ELAPOR1: variants seen among roughly 807,000 people sequenced by gnomAD.
ELAPOR1 encodes the protein endosome/lysosome-associated apoptosis and autophagy regulator 1.
A neutral mutation model predicts 119.7 loss-of-function variants in ELAPOR1; 77 were observed. That is an observed-to-expected ratio of 0.64 (90% CI 0.54 to 0.78). The LOEUF is 0.78. Ranked by LOEUF, ELAPOR1 falls within the 30% of genes least tolerant of loss-of-function variation. The probability of loss-of-function intolerance (pLI) is 0.00; values close to 1 mark genes in which losing one functional copy is unlikely to be tolerated. For synonymous variants in ELAPOR1, 481 were observed against 487.2 expected (o/e 0.99, Z 0.17); for missense variants, 1,115 against 1,270.4 (o/e 0.88, Z 1.86).
chr1:109,139,503 G>A (rs1272864943), intron 1 of ELAPOR1, among the ~76,000 whole-genome samples: 1 of 152,134 alleles, frequency 6.6e-6, no homozygotes, highest in Non-Finnish European at 1.5e-5. Context: ...AGACAGGAGA[G>A]TGCTCACTGG....
chr1:109,173,852 G>A lies in ELAPOR1; in HGVS notation c.952+15G>A. 4 of 1,613,048 alleles carry A rather than the reference G, an allele frequency of 2.5e-6. No homozygotes were observed. Among genetic ancestry groups the A allele is most frequent in the South Asian group, 1.1e-5 (1 of 90,982 alleles). On this transcript the variant is annotated intron_variant, in intron 7 of 21. Transcript: ENST00000369939. ...CAAATACTCAGGTGATGTTTCTGAGGGTGGGAAGAGTTTGGGGATAGAGAG... is the reference window on the plus strand; with the variant it reads ...CAAATACTCAGGTGATGTTTCTGAGAGTGGGAAGAGTTTGGGGATAGAGAG...
At chr1:109,187,244 G>A in intron 8 of ELAPOR1, 1 of 985,428 alleles carries the variant, frequency 1.0e-6, no homozygotes, top group Non-Finnish European at 1.2e-6. Context: ...CAGTTTGCCA[G>A]CTCCTAGGAC....
intron 4 of ELAPOR1, 82 bp downstream of exon 4, chr1:109,172,095 G>A: frequency 6.7e-7 from 1 of 1,491,974 alleles, no homozygotes; most frequent in East Asian, 2.3e-5. Context: ...CATCATGAGT[G>A]TAGCCCTGCT....
At chr1:109,183,441 C>A (rs913904415) in intron 7 of ELAPOR1, among the ~76,000 whole-genome samples, 1 of 151,924 alleles carries the variant, frequency 6.6e-6, no homozygotes, top group African/African-American at 2.4e-5. Flanking sequence ...AGAAGTAGTT[C>A]TCACTATCCA....
In ELAPOR1 at chr1:109,188,075, C is replaced by T. The variant is rs1557694140; in HGVS notation, c.1042-102C>T. 4.6e-5 allele frequency: 68 copies of T among 1,480,550 alleles called. 2 individuals are homozygous for T. The South Asian group carries it at 9.1e-4, about 20-fold the overall frequency. The allele number at this position is 1,480,550 out of a possible 1,614,324, so 91.7% of individuals were successfully genotyped here. On this transcript the variant is annotated intron_variant, in intron 8 of 21. Transcript: ENST00000369939. ...CACCCCAGAGGAGCTCTTACCTGGCCCAGAATCTGGATCTCTGCCCCCAGC... is the reference window on the plus strand; with the variant it reads ...CACCCCAGAGGAGCTCTTACCTGGCTCAGAATCTGGATCTCTGCCCCCAGC...
chr1:109,174,936 C>T (rs1652172575), intron 7 of ELAPOR1, among the ~76,000 whole-genome samples: 1 of 151,844 alleles, frequency 6.6e-6, no homozygotes, highest in Non-Finnish European at 1.5e-5. Flanking sequence ...AGGGTGGTCT[C>T]GATCTCCTGA....
chr1:109,198,014 TC>T lies in ELAPOR1; in HGVS notation c.2342del (p.Pro781GlnfsTer15). ...AGATATGACTCTGGATGGAATCACC[TC>T]CCCAGCTGAACTTTTCCACCTGGAG... ...TTDMTLDGIT[S>X]PAELFHLESL... On this transcript the variant is annotated frameshift_variant, in exon 17 of 22. Transcript: ENST00000369939. LOFTEE classifies it high-confidence loss of function. 1 of 1,614,108 alleles carries T rather than the reference TC, an allele frequency of 6.2e-7. No homozygotes were observed.
chr1:109,185,063 GT>G lies in ELAPOR1; in HGVS notation c.972del (p.Cys324Ter). 1 of 1,614,068 alleles carries G rather than the reference GT, an allele frequency of 6.2e-7. No homozygotes were observed. Among genetic ancestry groups the G allele is most frequent in the South Asian group, 1.1e-5 (1 of 91,078 alleles). ...DKYSEKGSSSCNVRPACTDKD... is the reference protein window; with the variant it reads ...DKYSEKGSSSXNVRPACTDKD... The stretch of plus-strand genomic sequence containing the variant: ...AATTTAGAGAAAGGATCTTCTTCCT[GT>G]AACGTGCGCCCAGCTTGCACAGACA... On this transcript the variant is annotated frameshift_variant, in exon 8 of 22. Coordinates refer to ENST00000369939, the MANE Select transcript of ELAPOR1 (RefSeq NM_020775.5). LOFTEE classifies it high-confidence loss of function.
At chr1:109,192,926 T>C in intron 14 of ELAPOR1, 52 bp downstream of exon 14, 2 of 1,580,142 alleles carry the variant, frequency 1.3e-6, no homozygotes, top group Non-Finnish European at 1.7e-6. Flanking sequence ...TTGGATGACC[T>C]CAGAAGATGC....
intron 20 of ELAPOR1, among the ~76,000 whole-genome samples, chr1:109,200,459 G>A (rs10745350): frequency 0.86 from 130,579 of 152,178 alleles, 56,569 homozygotes; most frequent in East Asian, 0.97. Context: ...AGTATCCTCA[G>A]TTTGCTATTA....
intron 1 of ELAPOR1, among the ~76,000 whole-genome samples, chr1:109,155,733 G>T (rs1216506514): frequency 1.3e-5 from 2 of 152,164 alleles, no homozygotes; most frequent in African/African-American, 4.8e-5. Flanking sequence ...ATAAGCGTGA[G>T]GGAACACCAC....
At chr1:109,149,848 A>G (rs1650422023) in intron 1 of ELAPOR1, among the ~76,000 whole-genome samples, 1 of 152,070 alleles carries the variant, frequency 6.6e-6, no homozygotes, top group Non-Finnish European at 1.5e-5. Flanking sequence ...GAGAGGGGGG[A>G]GCCAATTGCT....
intron 1 of ELAPOR1, among the ~76,000 whole-genome samples, chr1:109,118,903 T>G (rs1443274494): frequency 6.8e-6 from 1 of 146,918 alleles, no homozygotes; most frequent in African/African-American, 2.6e-5. Context: ...GGTTCTTCTT[T>G]TTTTTTTTTT....
chr1:109,183,527 C>A (rs78736764), intron 7 of ELAPOR1, among the ~76,000 whole-genome samples: 2,341 of 149,220 alleles, frequency 0.016, 59 homozygotes, highest in African/African-American at 0.053. Context: ...ACTGATAGTT[C>A]ACGTTTTTCT....
chr1:109,154,053 G>T (rs1347937982), intron 1 of ELAPOR1, among the ~76,000 whole-genome samples: 2 of 151,718 alleles, frequency 1.3e-5, no homozygotes, highest in Non-Finnish European at 2.9e-5. Flanking sequence ...AGGCCGAGGC[G>T]GGCGGATCAC....
At chr1:109,148,922 C>G (rs947630710) in intron 1 of ELAPOR1, among the ~76,000 whole-genome samples, 2 of 152,150 alleles carry the variant, frequency 1.3e-5, no homozygotes, top group African/African-American at 4.8e-5. Flanking sequence ...CATTTTGTTT[C>G]TTGGTGACAA....
chr1:109,200,374 G>A (rs1333826035), intron 20 of ELAPOR1, 137 bp downstream of exon 20: 8 of 1,029,826 alleles, frequency 7.8e-6, no homozygotes, highest in Admixed American at 2.4e-5. Flanking sequence ...TGCATGGTTT[G>A]GTTATCCTGA....
At chr1:109,200,947 G>T (rs746143660) in intron 21 of ELAPOR1, 47 bp downstream of exon 21, 3 of 1,572,030 alleles carry the variant, frequency 1.9e-6, no homozygotes, top group African/African-American at 2.7e-5. Context: ...AGGGCTGGAG[G>T]AGACACTGCT....
At position 109,171,899 on chromosome 1, in the gene ELAPOR1, C is replaced by G. The variant is rs754475916; in HGVS notation, c.501C>G (p.Ala167=). 1 of 1,614,234 alleles carries G rather than the reference C, an allele frequency of 6.2e-7. No individual in the cohort carries two copies. Among genetic ancestry groups the G allele is most frequent in the Admixed American group, 1.7e-5 (1 of 60,030 alleles). ...SKWVPRGDYI[A]SNTDECTATL... is the part of the protein sequence containing the mutation. ...GGGTTCCCCGGGGCGACTACATCGC[C>G]TCCAACACGGACGAATGCACAGCCA... The change falls in exon 4 of 22, where the codon GCC becomes GCG. Residue 167 remains alanine (A), a synonymous_variant. Coordinates refer to ENST00000369939, the MANE Select transcript of ELAPOR1 (RefSeq NM_020775.5).
Sources: allele counts gnomAD v4.1 joint callset (sites outside exome capture counted in the v4.1 genomes callset), GRCh38; gene constraint gnomAD v4.1.1; transcripts MANE v1.5; gene names NCBI Gene and HGNC (gene_info 2026-07-23, HGNC 2026-07-21).